NTSR1: variants seen among roughly 807,000 people sequenced by gnomAD.
The protein encoded by NTSR1 is neurotensin receptor type 1.
NTSR1 carries 29 observed loss-of-function variants against 31.2 expected under a neutral mutation model. The observed-to-expected ratio is 0.93, with a 90% CI of 0.69 to 1.27. The LOEUF is 1.27. NTSR1 is among the 50% of genes most tolerant of loss of function. The pLI is 0.00. For synonymous variants in NTSR1, 282 were observed against 269.9 expected (o/e 1.04, Z -0.44); for missense variants, 697 against 595.4 (o/e 1.17, Z -1.78).
rs1989545095 is a variant in NTSR1, at chr20:62,758,131, G to A, written c.917-135G>A. 13 of 756,364 alleles carry A rather than the reference G, an allele frequency of 1.7e-5. No individual in the cohort carries two copies. Among genetic ancestry groups the A allele is most frequent in the Middle Eastern group, 3.8e-4 (1 of 2,640 alleles). The allele number at this position is 756,364 out of a possible 1,614,324, so 46.9% of individuals were successfully genotyped here. On this transcript the variant is annotated intron_variant, in intron 2 of 3. Transcript: ENST00000370501. This position sits in a 1 kb window ranked among gnomAD's most constrained non-coding sequence, Gnocchi z 4.5. ...TGCCTCAGGTGCAGTGGGTCTCTGA[G>A]CCCACGTCTCTGTGCCTCAGGTGCA...
At chr20:62,723,821 G>A (rs1178952225) in intron 1 of NTSR1, among the ~76,000 whole-genome samples, 1 of 152,222 alleles carries the variant, frequency 6.6e-6, no homozygotes, top group Non-Finnish European at 1.5e-5. Flanking sequence ...ATGGGCTGAG[G>A]GAGTCAGGGC....
intron 1 of NTSR1, among the ~76,000 whole-genome samples, chr20:62,726,154 G>A (rs1309396597): frequency 3.3e-5 from 5 of 152,128 alleles, no homozygotes; most frequent in African/African-American, 4.8e-5. Flanking sequence ...CTTCCGAACC[G>A]GTCTCAACCC....
intron 1 of NTSR1, among the ~76,000 whole-genome samples, chr20:62,736,838 A>T (rs2147140690): frequency 6.6e-6 from 1 of 152,352 alleles, no homozygotes; most frequent in Admixed American, 6.5e-5. Context: ...GGGCAGGACC[A>T]GGGGGAGGTG....
chr20:62,761,409 GC>G lies in NTSR1; in HGVS notation c.*1146del. On this transcript the variant is annotated 3_prime_UTR_variant, in exon 4 of 4. Transcript: ENST00000370501. ...TCACCTTCTGGCGGCGGCAGCCCTG[GC>G]CCCGGCCTCCAAGCAGTTGAAAAAG... The G allele has an allele frequency of 6.6e-6, 1 of 152,478 alleles. No homozygotes were observed. The highest frequency in any genetic ancestry group is 1.9e-4 in the East Asian group (1 of 5,188). The allele number at this position is 152,478 out of a possible 1,614,324, so 9.4% of individuals were successfully genotyped here.
chr20:62,749,664 C>T (rs1989359855), intron 1 of NTSR1, among the ~76,000 whole-genome samples: 1 of 152,098 alleles, frequency 6.6e-6, no homozygotes, highest in African/African-American at 2.4e-5. Context: ...CAAAGAAGAG[C>T]TACATATGGC....
chr20:62,737,055 C>T (rs1182992898), intron 1 of NTSR1, among the ~76,000 whole-genome samples: 1 of 152,246 alleles, frequency 6.6e-6, no homozygotes, highest in Non-Finnish European at 1.5e-5. Context: ...TCAATTCAAC[C>T]TCTTTCCTTT....
chr20:62,740,259 G>A (rs1989180727), intron 1 of NTSR1, among the ~76,000 whole-genome samples: 1 of 152,240 alleles, frequency 6.6e-6, no homozygotes, highest in Non-Finnish European at 1.5e-5. Flanking sequence ...CGGATCGAAC[G>A]GGCTCATTCG....
intron 1 of NTSR1, 44 bp from the exon 2 acceptor site, chr20:62,754,641 G>T: frequency 1.3e-6 from 2 of 1,526,762 alleles, no homozygotes; most frequent in Non-Finnish European, 1.8e-6. Context: ...GGGTGCATGA[G>T]TCCCGCTGCT....
intron 1 of NTSR1, among the ~76,000 whole-genome samples, chr20:62,750,001 CT>C (rs1245535513): frequency 1.3e-5 from 2 of 152,202 alleles, no homozygotes; most frequent in Non-Finnish European, 2.9e-5. Context: ...CTGCAAGCCC[CT>C]GTCCGCTGCG....
At chr20:62,718,973 C>A (rs950981314) in intron 1 of NTSR1, among the ~76,000 whole-genome samples, 3 of 152,140 alleles carry the variant, frequency 2.0e-5, no homozygotes, top group African/African-American at 7.2e-5. Flanking sequence ...CTCACCCTAG[C>A]CTTAACCCAC....
chr20:62,713,400 A>G (rs1488365552), intron 1 of NTSR1, among the ~76,000 whole-genome samples: 1 of 152,190 alleles, frequency 6.6e-6, no homozygotes, highest in Admixed American at 6.5e-5. Context: ...GAGCAGACAG[A>G]TCACAGGGCG....
chr20:62,734,988 T>G (rs1220580080), intron 1 of NTSR1, among the ~76,000 whole-genome samples: 1 of 152,150 alleles, frequency 6.6e-6, no homozygotes, highest in African/African-American at 2.4e-5. Context: ...CCAGAGCCTG[T>G]ACAGCCTCCC....
In NTSR1 at chr20:62,714,219, G is replaced by A. The variant is rs547924139; in HGVS notation, c.714+4298G>A. Among the ~76,000 whole-genome samples, 1 of 152,378 alleles carries A rather than the reference G, an allele frequency of 6.6e-6. No homozygotes were observed. Among genetic ancestry groups the A allele is most frequent in the Admixed American group, 6.5e-5 (1 of 15,310 alleles). ...GCTGTGGGCAGCTCTGGCTCTGGCC[G>A]TAGCGGCCACAGTGTCCTCACCTGC... is the stretch of plus-strand genomic sequence containing the variant. On this transcript the variant is annotated intron_variant, in intron 1 of 3. Transcript: ENST00000370501. This position sits in a 1 kb window ranked among gnomAD's most constrained non-coding sequence, Gnocchi z 4.1.
Position 62,714,645 on chromosome 20 carries a change from C to T in NTSR1, c.714+4724C>T, listed in dbSNP as rs1165212949. Reference sequence around the variant, plus strand: ...AGCCCCTGATCCAACACACAGGACACACCAGGGACAGAGGAACAGGGACAA... The same window carrying T: ...AGCCCCTGATCCAACACACAGGACATACCAGGGACAGAGGAACAGGGACAA... On this transcript the variant is annotated intron_variant, in intron 1 of 3. Transcript: ENST00000370501. The surrounding 1 kb of genome is among the most constrained non-coding windows in gnomAD (Gnocchi z 4.1). Among the ~76,000 whole-genome samples the T allele has an allele frequency of 6.6e-6, 1 of 152,164 alleles. No homozygotes were observed. The highest frequency in any genetic ancestry group is 1.5e-5 in the Non-Finnish European group (1 of 68,032).
chr20:62,712,208 G>A (rs1163293750), intron 1 of NTSR1, among the ~76,000 whole-genome samples: 1 of 152,210 alleles, frequency 6.6e-6, no homozygotes, highest in Non-Finnish European at 1.5e-5. Context: ...GGAATTAGGG[G>A]GTTTACGGTC....
chr20:62,725,402 C>T (rs1048474412), intron 1 of NTSR1, among the ~76,000 whole-genome samples: 4 of 152,216 alleles, frequency 2.6e-5, no homozygotes, highest in Non-Finnish European at 5.9e-5. Flanking sequence ...AAGCGGGAGG[C>T]GGGAGGCGAG....
chr20:62,760,570 A>C lies in NTSR1; in HGVS notation c.*303A>C. 3.1e-6 allele frequency: 1 copy of C among 326,834 alleles called. No homozygotes were observed. The highest frequency in any genetic ancestry group is 5.7e-6 in the Non-Finnish European group (1 of 175,996). 20.2% of individuals were successfully genotyped at this position (326,834 alleles called of 1,614,324 possible). ...ACAAGGAGAAATTAGTGTGCGGCAA[A>C]AGGCAGTTTTCTTTGTTCTCAGACT... On this transcript the variant is annotated 3_prime_UTR_variant, in exon 4 of 4. Transcript: ENST00000370501.
At chr20:62,712,008 A>G (rs892256702) in intron 1 of NTSR1, among the ~76,000 whole-genome samples, 1 of 152,180 alleles carries the variant, frequency 6.6e-6, no homozygotes, top group Admixed American at 6.5e-5. Context: ...TTTTCTTTAA[A>G]GGGCTCAGCT....
At chr20:62,740,886 G>A (rs1010947259) in intron 1 of NTSR1, among the ~76,000 whole-genome samples, 15 of 152,332 alleles carry the variant, frequency 9.8e-5, no homozygotes, top group Admixed American at 6.5e-4. Context: ...AGCCTCAACC[G>A]CTGGCTGTCA....
Sources: gnomAD v4.1 joint callset for allele counts (sites outside exome capture counted in the v4.1 genomes callset) on GRCh38, gnomAD v4.1.1 for gene constraint, Gnocchi (gnomAD v3.1) non-coding constraint, MANE v1.5 for transcripts, NCBI Gene and HGNC (gene_info 2026-07-23, HGNC 2026-07-21) for gene names.